The following BLM variants were observed in gnomAD, a reference collection of about 807,000 sequenced individuals.
The protein encoded by BLM is recQ-like DNA helicase BLM.
In BLM, 95 loss-of-function variants were observed where a neutral mutation model predicts 135.3. The ratio of observed to expected loss-of-function variants is 0.70; its 90% confidence interval spans 0.59 to 0.83. The LOEUF is 0.83. Ranked by LOEUF, BLM falls within the 40% of genes least tolerant of loss-of-function variation. The pLI, the probability that BLM is intolerant of heterozygous loss-of-function variation, is 0.00. For missense variants in BLM, 1,518 were observed against 1,663.9 expected, an observed-to-expected ratio of 0.91 and a Z score of 1.53; for synonymous variants, 520 against 589.2, an observed-to-expected ratio of 0.88 and a Z score of 1.70.
At chr15:90,737,088 C>T (rs1434459890) in intron 1 of BLM, among the ~76,000 whole-genome samples, 3 of 151,996 alleles carry the variant, frequency 2.0e-5, no homozygotes. Context: ...GTGGGACTGA[C>T]CAATCAAGTA....
chr15:90,808,904 C>T, intron 19 of BLM: 1 of 583,474 alleles, frequency 1.7e-6, no homozygotes, highest in South Asian at 1.9e-5. Flanking sequence ...TGGCTCTTGC[C>T]CTTGCTCTGC....
intron 12 of BLM, among the ~76,000 whole-genome samples, chr15:90,775,510 ATG>A (rs200736562): frequency 9.0e-5 from 13 of 144,778 alleles, no homozygotes; most frequent in Admixed American, 1.4e-4. Flanking sequence ...TTATATATAT[ATG>A]TGTGTGTGTG....
At chr15:90,809,399 C>T (rs1596272064) in intron 20 of BLM, 140 bp downstream of exon 20, 2 of 1,355,316 alleles carry the variant, frequency 1.5e-6, no homozygotes, top group East Asian at 2.3e-5. Context: ...CAGTGGTGTG[C>T]CAGTCACCTC....
chr15:90,797,140 G>A (rs924311479), intron 16 of BLM, among the ~76,000 whole-genome samples: 3 of 152,124 alleles, frequency 2.0e-5, no homozygotes, highest in African/African-American at 2.4e-5. Context: ...ATGGCCAGGT[G>A]CAGTGGCTCA....
At chr15:90,725,411 A>G (rs1329876682) in intron 1 of BLM, among the ~76,000 whole-genome samples, 1 of 151,430 alleles carries the variant, frequency 6.6e-6, no homozygotes, top group Non-Finnish European at 1.5e-5. Flanking sequence ...GTATAGTAGT[A>G]TTTTCTGGTA....
chr15:90,809,817 A>G (rs1268680414), intron 20 of BLM, among the ~76,000 whole-genome samples: 3 of 152,194 alleles, frequency 2.0e-5, no homozygotes, highest in Non-Finnish European at 4.4e-5. Flanking sequence ...ACTTCTAATC[A>G]TGAGCTTCAT....
intron 1 of BLM, among the ~76,000 whole-genome samples, chr15:90,737,573 G>A (rs1229346030): frequency 6.6e-6 from 1 of 152,084 alleles, no homozygotes; most frequent in Non-Finnish European, 1.5e-5. Flanking sequence ...AAGGACAGAG[G>A]AACCAATGGA....
At position 90,749,845 on chromosome 15, in the gene BLM, T is replaced by C. The variant is rs779348937; in HGVS notation, c.577T>C (p.Phe193Leu). 29 of 1,593,276 alleles carry C rather than the reference T, an allele frequency of 1.8e-5. No homozygotes were observed. The highest frequency in any genetic ancestry group is 2.4e-5 in the Non-Finnish European group (28 of 1,170,982). ...GAAATCAAAAAAGGGTAAGAGAAAC[T>C]TTTTTAAAGCACAGCTTTATACAAC... ...AQKSKKGKRN[F>L]FKAQLYTTNT... The change falls in exon 3 of 22, where the codon TTT becomes CTT. Residue 193 changes from phenylalanine (F) to leucine (L), a missense_variant. Around this residue, in one of 5 missense-constraint regions of BLM, gnomAD observed 724 missense variants for 756.9 expected, o/e 0.96. Transcript: ENST00000355112.
intron 1 of BLM, among the ~76,000 whole-genome samples, chr15:90,729,125 C>G (rs77733666): frequency 6.6e-6 from 1 of 152,038 alleles, no homozygotes; most frequent in Non-Finnish European, 1.5e-5. Flanking sequence ...GCCTGGCCAA[C>G]GTGGCGAAAC....
intron 1 of BLM, among the ~76,000 whole-genome samples, chr15:90,718,408 C>T (rs529583134): frequency 1.3e-5 from 2 of 152,278 alleles, no homozygotes; most frequent in South Asian, 4.1e-4. Context: ...TACCTCATGG[C>T]GTGAGATGGA....
chr15:90,718,822 C>T (rs1894680387), intron 1 of BLM, among the ~76,000 whole-genome samples: 1 of 152,072 alleles, frequency 6.6e-6, no homozygotes, highest in Non-Finnish European at 1.5e-5. Flanking sequence ...AGTAGAACAT[C>T]ATCATGCTGG....
chr15:90,721,820 A>G (rs994944289), intron 1 of BLM, among the ~76,000 whole-genome samples: 21 of 151,712 alleles, frequency 1.4e-4, no homozygotes, highest in African/African-American at 5.1e-4. Flanking sequence ...AATCCCAGCT[A>G]CTTGGGAGGC....
At chr15:90,814,999 T>C in intron 21 of BLM, 103 bp from the exon 22 acceptor site, 4 of 1,208,084 alleles carry the variant, frequency 3.3e-6, no homozygotes, top group Non-Finnish European at 4.8e-6. Context: ...AAGGACACAT[T>C]AGGCCCAGGG....
At chr15:90,773,511 CTTTTT>C (rs55678339) in intron 12 of BLM, among the ~76,000 whole-genome samples, 7 of 100,840 alleles carry the variant, frequency 6.9e-5, no homozygotes, top group South Asian at 6.9e-4. Context: ...CTTCAATGGC[CTTTTT>C]TTTTTTTTTT....
chr15:90,803,968 AT>A (rs1897226694), intron 18 of BLM, among the ~76,000 whole-genome samples, 198 bp from the exon 19 acceptor site: 1 of 152,252 alleles, frequency 6.6e-6, no homozygotes, highest in African/African-American at 2.4e-5. Context: ...TTAAAGAAGC[AT>A]TTATCAAGAG....
At chr15:90,771,310 T>C (rs1253302073) in intron 12 of BLM, among the ~76,000 whole-genome samples, 1 of 152,034 alleles carries the variant, frequency 6.6e-6, no homozygotes, top group Non-Finnish European at 1.5e-5. Context: ...AACGTGGCGA[T>C]ACCCCATCTC....
intron 14 of BLM, 118 bp downstream of exon 14, chr15:90,785,199 C>A: frequency 1.7e-6 from 2 of 1,164,546 alleles, no homozygotes; most frequent in Non-Finnish European, 2.4e-6. Flanking sequence ...CAAAATAAGA[C>A]TGAAATTTAA....
At position 90,787,036 on chromosome 15, in the gene BLM, CTTTTTTTTTTTT is replaced by C. The variant is rs11366266; in HGVS notation, c.2823+1974_2823+1985del. On this transcript the variant is annotated intron_variant, in intron 14 of 21. Coordinates refer to ENST00000355112, the MANE Select transcript of BLM (RefSeq NM_000057.4). ...AAAGCTGAAAATACTTTAGGCATCT[CTTTTTTTTTTTT>C]TTTTTTTTTTTTTTTTTTGAGACGG... Among the ~76,000 whole-genome samples, 367 of 58,008 alleles carry C rather than the reference CTTTTTTTTTTTT, an allele frequency of 6.3e-3. 3 individuals are homozygous for C. The highest frequency in any genetic ancestry group is 0.047 in the East Asian group (106 of 2,232). 38.1% of individuals were successfully genotyped at this position (58,008 alleles called of 152,430 possible).
chr15:90,789,143 C>T (rs976968838), intron 14 of BLM, among the ~76,000 whole-genome samples: 2 of 151,940 alleles, frequency 1.3e-5, no homozygotes, highest in African/African-American at 4.8e-5. Flanking sequence ...TTAATCCTTA[C>T]AGTCAGCATG....
Sources: allele counts gnomAD v4.1 joint callset (sites outside exome capture counted in the v4.1 genomes callset), GRCh38; gene constraint gnomAD v4.1.1; regional missense constraint gnomAD v4.1.1; transcripts MANE v1.5; gene names NCBI Gene and HGNC (gene_info 2026-07-23, HGNC 2026-07-21).